FRMD5: variants seen among roughly 807,000 people sequenced by gnomAD.
FRMD5 encodes the protein FERM domain-containing protein 5.
Under a neutral mutation model 69.0 loss-of-function variants are expected in FRMD5, and 20 were observed. The ratio of observed to expected loss-of-function variants is 0.29; its 90% CI spans 0.20 to 0.42. The LOEUF (loss-of-function observed/expected upper bound fraction) is 0.42, where lower values mean the gene tolerates loss of function less well. Among genes scored for constraint, FRMD5 ranks in the 10% least tolerant of loss-of-function variants. The pLI is 1.00. For synonymous variants in FRMD5, 271 were observed against 260.1 expected (o/e 1.04, Z -0.40); for missense variants, 595 against 708.6 (o/e 0.84, Z 1.82).
intron 1 of FRMD5, among the ~76,000 whole-genome samples, chr15:44,055,918 C>T (rs117473680): frequency 9.9e-5 from 15 of 152,258 alleles, no homozygotes; most frequent in Middle Eastern, 3.4e-3. Context: ...CTTTTCTTTG[C>T]GTGATCTTCT....
At chr15:43,909,549 C>T (rs375510265) in intron 5 of FRMD5, among the ~76,000 whole-genome samples, 1 of 151,858 alleles carries the variant, frequency 6.6e-6, no homozygotes, top group Non-Finnish European at 1.5e-5. Flanking sequence ...GGTGCAATCT[C>T]GGCTCACTGC....
At chr15:44,035,587 T>C (rs1395409814) in intron 1 of FRMD5, among the ~76,000 whole-genome samples, 22 of 152,160 alleles carry the variant, frequency 1.4e-4, no homozygotes, top group Admixed American at 1.4e-3. Context: ...TGATTTTTCT[T>C]GGCCAAAAAA....
At position 43,873,322 on chromosome 15, in the gene FRMD5, T is replaced by A; in HGVS notation, c.*563A>T. 3 of 1,502,638 alleles carry A rather than the reference T, an allele frequency of 2.0e-6. No individual in the cohort carries two copies. The highest frequency in any genetic ancestry group is 2.7e-6 in the Non-Finnish European group (3 of 1,131,128). The allele number at this position is 1,502,638 out of a possible 1,614,324, so 93.1% of individuals were successfully genotyped here. A position where few individuals can be genotyped will look rare whatever the true frequency, so the allele number is the denominator to read the frequency against. Reference sequence around the variant, plus strand: ...TCATTCTACATGGATGTTTACTTTTTTAAAAGTTCTGGCTGGCAAAAAAAA... The same window carrying A: ...TCATTCTACATGGATGTTTACTTTTATAAAAGTTCTGGCTGGCAAAAAAAA... On this transcript the variant is annotated 3_prime_UTR_variant, in exon 14 of 14. Coordinates refer to ENST00000417257, the MANE Select transcript of FRMD5 (RefSeq NM_032892.5).
chr15:44,039,970 G>C (rs928826918), intron 1 of FRMD5, among the ~76,000 whole-genome samples: 1 of 151,992 alleles, frequency 6.6e-6, no homozygotes, highest in Non-Finnish European at 1.5e-5. Context: ...CTACTTTAGA[G>C]AAGAACATAA....
intron 1 of FRMD5, among the ~76,000 whole-genome samples, chr15:44,159,809 T>C (rs2077584720): frequency 6.6e-6 from 1 of 152,208 alleles, no homozygotes. Flanking sequence ...AGGCAACAAA[T>C]AGCAGCTGAG....
intron 1 of FRMD5, among the ~76,000 whole-genome samples, chr15:43,955,836 T>A (rs2140524529): frequency 6.6e-6 from 1 of 152,124 alleles, no homozygotes; most frequent in Admixed American, 6.6e-5. Flanking sequence ...TAGGGCATGG[T>A]CCTTGGCTAT....
intron 1 of FRMD5, among the ~76,000 whole-genome samples, chr15:44,167,147 G>C (rs1241745783): frequency 2.0e-5 from 3 of 152,118 alleles, no homozygotes; most frequent in Non-Finnish European, 2.9e-5. Flanking sequence ...GCTGCCCAGA[G>C]CGCTGGATTA....
intron 1 of FRMD5, among the ~76,000 whole-genome samples, chr15:43,958,586 C>A (rs948099147): frequency 6.6e-6 from 1 of 152,068 alleles, no homozygotes; most frequent in Non-Finnish European, 1.5e-5. Flanking sequence ...GTGTGTGTCA[C>A]CATGTCTGGC....
chr15:43,923,527 T>C (rs1347326468), intron 2 of FRMD5, among the ~76,000 whole-genome samples: 1 of 152,172 alleles, frequency 6.6e-6, no homozygotes, highest in East Asian at 1.9e-4. Flanking sequence ...AGGGGAACTC[T>C]ATAGGTGAAG....
chr15:43,977,225 TTTG>T (rs2090478066), intron 1 of FRMD5, among the ~76,000 whole-genome samples: 1 of 152,060 alleles, frequency 6.6e-6, no homozygotes. Flanking sequence ...AGGGCCAGGC[TTTG>T]TTGTGGTCAG....
At chr15:43,905,338 T>C (rs1300690822) in intron 6 of FRMD5, among the ~76,000 whole-genome samples, 1 of 152,072 alleles carries the variant, frequency 6.6e-6, no homozygotes, top group Admixed American at 6.5e-5. Flanking sequence ...GTTTTCACCA[T>C]GTTGGCCAGG....
chr15:44,195,516 T>C (rs1595581236), upstream of FRMD5, among the ~76,000 whole-genome samples: 1 of 152,222 alleles, frequency 6.6e-6, no homozygotes, highest in Non-Finnish European at 1.5e-5. Context: ...CTATGGATGC[T>C]GTTTCCCCTC....
intron 1 of FRMD5, among the ~76,000 whole-genome samples, chr15:43,942,520 C>A (rs78972603): frequency 6.6e-6 from 1 of 152,084 alleles, no homozygotes; most frequent in African/African-American, 2.4e-5. Context: ...GTTTTATAAC[C>A]CTCTTCTCCC....
At chr15:43,964,955 G>A (rs1381268342) in intron 1 of FRMD5, among the ~76,000 whole-genome samples, 1 of 152,154 alleles carries the variant, frequency 6.6e-6, no homozygotes, top group Admixed American at 6.5e-5. Flanking sequence ...TAGGGTTGCT[G>A]TGAAATAAAG....
intron 1 of FRMD5, among the ~76,000 whole-genome samples, chr15:44,003,409 GAT>G (rs1890299814): frequency 6.6e-6 from 1 of 152,074 alleles, no homozygotes; most frequent in African/African-American, 2.4e-5. Context: ...ACATTCCAAT[GAT>G]CACAAAACAC....
intron 1 of FRMD5, among the ~76,000 whole-genome samples, chr15:43,925,745 C>T (rs1022241656): frequency 6.6e-6 from 1 of 152,218 alleles, no homozygotes; most frequent in African/African-American, 2.4e-5. Context: ...TCTGAACTCC[C>T]CAAGGCTTTT....
intron 1 of FRMD5, among the ~76,000 whole-genome samples, chr15:44,185,614 G>A (rs910928567): frequency 1.3e-5 from 2 of 151,978 alleles, no homozygotes; most frequent in African/African-American, 2.4e-5. Flanking sequence ...CCAACATGGT[G>A]AAACCCCTTC....
chr15:43,981,214 C>T (rs2090543846), intron 1 of FRMD5, among the ~76,000 whole-genome samples: 1 of 152,178 alleles, frequency 6.6e-6, no homozygotes, highest in African/African-American at 2.4e-5. Flanking sequence ...TCCACATTGG[C>T]TTCCCAAAGT....
intron 10 of FRMD5, among the ~76,000 whole-genome samples, chr15:43,886,167 T>C (rs1324046326): frequency 6.6e-6 from 1 of 152,148 alleles, no homozygotes; most frequent in Non-Finnish European, 1.5e-5. Flanking sequence ...TTTTATAAAA[T>C]GATAGAGCTG....
Sources: allele counts gnomAD v4.1 joint callset (sites outside exome capture counted in the v4.1 genomes callset), GRCh38; gene constraint gnomAD v4.1.1; transcripts MANE v1.5; gene names NCBI Gene and HGNC (gene_info 2026-07-23, HGNC 2026-07-21).